Variants in RNF150 observed in about 807,000 individuals in gnomAD.
RNF150 encodes ring finger protein 150.
In RNF150, 24 loss-of-function variants were observed where a neutral mutation model predicts 39.3. The ratio of observed to expected loss-of-function variants is 0.61; its 90% CI spans 0.44 to 0.86. The LOEUF is 0.86. Ranked by LOEUF, RNF150 falls within the 40% of genes least tolerant of loss-of-function variation. The pLI is 0.00. For synonymous variants in RNF150, 255 were observed against 227.3 expected, an observed-to-expected ratio of 1.12 and a Z score of -1.10; for missense variants, 502 against 587.8, an observed-to-expected ratio of 0.85 and a Z score of 1.51.
intron 6 of RNF150, among the ~76,000 whole-genome samples, chr4:140,895,613 C>G (rs1729914274): frequency 6.6e-6 from 1 of 152,214 alleles, no homozygotes; most frequent in African/African-American, 2.4e-5. Context: ...GGTGGCAGAT[C>G]ATTCTGCTTA....
chr4:141,045,988 G>T (rs1034252026), intron 1 of RNF150, among the ~76,000 whole-genome samples: 9 of 152,014 alleles, frequency 5.9e-5, no homozygotes, highest in Non-Finnish European at 1.3e-4. Flanking sequence ...CTTGGTCAAG[G>T]TCTCCACATA....
intron 1 of RNF150, among the ~76,000 whole-genome samples, chr4:141,048,844 G>A (rs922417925): frequency 1.3e-5 from 2 of 152,176 alleles, no homozygotes; most frequent in African/African-American, 4.8e-5. Context: ...TTTTAGACAC[G>A]TATATAGCTT....
At chr4:141,206,362 T>A (rs546727926) in intron 1 of RNF150, among the ~76,000 whole-genome samples, 1 of 141,388 alleles carries the variant, frequency 7.1e-6, no homozygotes, top group African/African-American at 2.6e-5. Flanking sequence ...GAGATTACAG[T>A]GAGCCAAGAT....
intron 1 of RNF150, among the ~76,000 whole-genome samples, chr4:141,148,129 C>T (rs1727232876): frequency 6.6e-6 from 1 of 152,102 alleles, no homozygotes; most frequent in African/African-American, 2.4e-5. Flanking sequence ...TTGAGACTCT[C>T]TACTTGTGTT....
intron 1 of RNF150, among the ~76,000 whole-genome samples, chr4:141,128,304 G>C (rs367904843): frequency 6.6e-6 from 1 of 152,106 alleles, no homozygotes; most frequent in Non-Finnish European, 1.5e-5. Context: ...ATCGAGGTAT[G>C]GTGTTATCCT....
At chr4:141,103,868 A>T (rs138884945) in intron 1 of RNF150, among the ~76,000 whole-genome samples, 25 of 152,304 alleles carry the variant, frequency 1.6e-4, no homozygotes, top group African/African-American at 5.5e-4. Flanking sequence ...AGGCACTAGG[A>T]TGATTCTATT....
chr4:140,920,450 T>A (rs1291401912), intron 5 of RNF150, among the ~76,000 whole-genome samples: 1 of 134,356 alleles, frequency 7.4e-6, no homozygotes, highest in Non-Finnish European at 1.6e-5. Context: ...TCACCATCAC[T>A]GGCCATCAGA....
chr4:140,903,902 T>C (rs1427127291), intron 6 of RNF150, among the ~76,000 whole-genome samples: 1 of 152,204 alleles, frequency 6.6e-6, no homozygotes, highest in Non-Finnish European at 1.5e-5. Flanking sequence ...TTTGTGAATC[T>C]GCAGATCCTC....
At chr4:140,965,479 G>A (rs1733202199) in intron 2 of RNF150, among the ~76,000 whole-genome samples, 1 of 152,118 alleles carries the variant, frequency 6.6e-6, no homozygotes, top group Non-Finnish European at 1.5e-5. Flanking sequence ...AGCGAAGATA[G>A]GGAAGCGACC....
At chr4:141,193,240 C>A (rs531614197) in intron 1 of RNF150, among the ~76,000 whole-genome samples, 4 of 152,238 alleles carry the variant, frequency 2.6e-5, no homozygotes, top group Non-Finnish European at 4.4e-5. Context: ...ACATAATAAG[C>A]ATTCAATAAA....
intron 6 of RNF150, among the ~76,000 whole-genome samples, chr4:140,897,056 T>C (rs771424604): frequency 3.2e-4 from 48 of 152,184 alleles, no homozygotes; most frequent in Non-Finnish European, 5.9e-5. Context: ...TGGTCATCTT[T>C]ATTGCATGTA....
chr4:141,059,656 C>A (rs1737134581), intron 1 of RNF150, among the ~76,000 whole-genome samples: 1 of 151,904 alleles, frequency 6.6e-6, no homozygotes, highest in Admixed American at 6.6e-5. Flanking sequence ...TTAGCTTTAG[C>A]TGTAAAAAGT....
intron 1 of RNF150, among the ~76,000 whole-genome samples, chr4:141,188,100 T>A (rs1481580277): frequency 2.0e-5 from 3 of 152,220 alleles, no homozygotes; most frequent in Non-Finnish European, 4.4e-5. Context: ...TCTCTTTTGC[T>A]TATGAAGTTT....
At chr4:141,147,858 T>G (rs1462701723) in intron 1 of RNF150, among the ~76,000 whole-genome samples, 1 of 151,818 alleles carries the variant, frequency 6.6e-6, no homozygotes, top group Admixed American at 6.6e-5. Flanking sequence ...GAAGAAAAAA[T>G]CCAAAAGTGC....
chr4:141,003,178 A>T (rs1025153160), intron 1 of RNF150, among the ~76,000 whole-genome samples: 2 of 152,124 alleles, frequency 1.3e-5, no homozygotes, highest in Non-Finnish European at 2.9e-5. Context: ...AAAGAATTGA[A>T]TTTTAAGAGG....
intron 2 of RNF150, among the ~76,000 whole-genome samples, chr4:140,952,679 G>A (rs769832655): frequency 2.0e-5 from 3 of 152,214 alleles, no homozygotes; most frequent in South Asian, 2.1e-4. Context: ...AATGGCTAGG[G>A]AATTAGAAAG....
intron 1 of RNF150, among the ~76,000 whole-genome samples, chr4:141,104,826 G>A (rs1378664810): frequency 2.0e-5 from 3 of 152,188 alleles, no homozygotes; most frequent in East Asian, 3.8e-4. Flanking sequence ...GGATGTATAA[G>A]TTGAAATCAT....
intron 1 of RNF150, among the ~76,000 whole-genome samples, chr4:141,162,488 A>T (rs886367812): frequency 6.6e-6 from 1 of 152,108 alleles, no homozygotes; most frequent in Admixed American, 6.5e-5. Context: ...GCTGGAATGA[A>T]TTAAGCATTT....
rs1316783908 is a variant in RNF150, at chr4:141,078,892, T to TATATATACACATAC, written c.484+53419_484+53432dup. ...ATATACACACATATATACACATACA[T>TATATATACACATAC]ATATATACACATACATATATACACA... On this transcript the variant is annotated intron_variant, in intron 1 of 6. Coordinates refer to ENST00000515673, the MANE Select transcript of RNF150 (RefSeq NM_020724.2). Among the ~76,000 whole-genome samples the TATATATACACATAC allele has an allele frequency of 1.6e-3, 234 of 146,006 alleles. 2 individuals carry two copies. Among genetic ancestry groups the TATATATACACATAC allele is most frequent in the African/African-American group, 5.9e-3 (226 of 38,520 alleles).
Sources: gnomAD v4.1 joint callset for allele counts (sites outside exome capture counted in the v4.1 genomes callset) on GRCh38, gnomAD v4.1.1 for gene constraint, MANE v1.5 for transcripts, NCBI Gene and HGNC (gene_info 2026-07-23, HGNC 2026-07-21) for gene names.